The following UMAD1 variants were observed in gnomAD, a reference collection of about 807,000 sequenced individuals.
UMAD1 encodes UBAP1-MVB12-associated (UMA)-domain containing protein 1.
UMAD1 carries 8 observed loss-of-function variants against 6.1 expected under a neutral mutation model. The ratio of observed to expected loss-of-function variants is 1.30; its 90% CI spans 0.76 to 2.35. The LOEUF is 2.35. Among genes scored for constraint, UMAD1 ranks in the 30% most tolerant of loss-of-function variants. The pLI is 0.00. For synonymous variants in UMAD1, 56 were observed against 31.4 expected, an observed-to-expected ratio of 1.78 and a Z score of -2.61; for missense variants, 130 against 78.4, an observed-to-expected ratio of 1.66 and a Z score of -2.49.
chr7:7,654,945 G>A (rs1006415767), intron 1 of UMAD1, among the ~76,000 whole-genome samples: 25 of 151,660 alleles, frequency 1.6e-4, no homozygotes, highest in African/African-American at 6.0e-4. Context: ...TTGTTGTACT[G>A]TTTTTTATTT....
chr7:7,829,271 G>C (rs1783413962), intron 3 of UMAD1, among the ~76,000 whole-genome samples: 1 of 151,910 alleles, frequency 6.6e-6, no homozygotes, highest in African/African-American at 2.4e-5. Flanking sequence ...GCAATCACTT[G>C]CATACCTGCA....
rs952119480 is a variant in UMAD1, at chr7:7,758,386, G to T, written c.83-43284G>T. 3.9e-5 allele frequency among the ~76,000 whole-genome samples: 6 copies of T among 152,076 alleles called. No homozygotes were observed. In the East Asian group the frequency reaches 9.6e-4, roughly 24 times the overall value. ...TTTATAGCGAAGATCTTAAGAAAGTGTAAAAGCTGTTTTTACCCATCTTTT... is the reference window on the plus strand; with the variant it reads ...TTTATAGCGAAGATCTTAAGAAAGTTTAAAAGCTGTTTTTACCCATCTTTT... On this transcript the variant is annotated intron_variant, in intron 2 of 3. Coordinates refer to ENST00000682710, the MANE Select transcript of UMAD1 (RefSeq NM_001302348.2).
intron 1 of UMAD1, among the ~76,000 whole-genome samples, chr7:7,655,605 G>T (rs969243831): frequency 6.6e-6 from 1 of 152,006 alleles, no homozygotes; most frequent in Non-Finnish European, 1.5e-5. Context: ...TTCTCAGTTG[G>T]CTGAAAGCAT....
intron 2 of UMAD1, among the ~76,000 whole-genome samples, chr7:7,700,060 G>A (rs1202596191): frequency 2.0e-5 from 3 of 152,328 alleles, no homozygotes; most frequent in East Asian, 3.9e-4. Context: ...TGTGGAGGGT[G>A]TCTTAGTCAG....
At chr7:7,841,328 T>A (rs1412684800) in intron 3 of UMAD1, among the ~76,000 whole-genome samples, 1 of 151,890 alleles carries the variant, frequency 6.6e-6, no homozygotes, top group Non-Finnish European at 1.5e-5. Context: ...TTTTTTTTTT[T>A]TTTTGAGGCC....
At chr7:7,862,810 C>G (rs1275214737) in intron 3 of UMAD1, among the ~76,000 whole-genome samples, 1 of 151,924 alleles carries the variant, frequency 6.6e-6, no homozygotes. Flanking sequence ...AAACTTGAGA[C>G]CTAAAAACAA....
chr7:7,875,880 C>T (rs954519460), intron 3 of UMAD1, among the ~76,000 whole-genome samples: 1 of 152,100 alleles, frequency 6.6e-6, no homozygotes, highest in East Asian at 1.9e-4. Flanking sequence ...AGTTCAAAAC[C>T]AGCTTGGGCA....
chr7:7,767,022 G>C (rs1333919402), intron 2 of UMAD1, among the ~76,000 whole-genome samples: 9 of 151,734 alleles, frequency 5.9e-5, no homozygotes, highest in Non-Finnish European at 1.3e-4. Flanking sequence ...TTCAAGTTCT[G>C]TCTTTTAAGG....
chr7:7,713,067 G>A (rs766850903), intron 2 of UMAD1, among the ~76,000 whole-genome samples: 7 of 152,098 alleles, frequency 4.6e-5, no homozygotes, highest in East Asian at 1.9e-4. Context: ...GGCCGCGCGC[G>A]GTGGCTCACA....
At chr7:7,659,687 C>A (rs997569531) in intron 1 of UMAD1, among the ~76,000 whole-genome samples, 11 of 152,256 alleles carry the variant, frequency 7.2e-5, no homozygotes, top group African/African-American at 2.6e-4. Flanking sequence ...GATTTCCGTT[C>A]TTTTGCATTT....
In UMAD1 at chr7:7,649,158, C is replaced by CA. The variant is rs34943326; in HGVS notation, c.-64+8358dup. Among the ~76,000 whole-genome samples, 1,172 of 128,776 alleles carry CA rather than the reference C, an allele frequency of 9.1e-3. 23 individuals are homozygous for CA. The highest frequency in any genetic ancestry group is 0.028 in the African/African-American group (955 of 34,338). The allele number at this position is 128,776 out of a possible 152,430, so 84.5% of individuals were successfully genotyped here. ...GTGCGACAAGAGCGAGACTCCATCTCAAAAAAAAAAAAAAAAAAAAAGAAA... is the reference window on the plus strand; with the variant it reads ...GTGCGACAAGAGCGAGACTCCATCTCAAAAAAAAAAAAAAAAAAAAAAGAAA... On this transcript the variant is annotated intron_variant, in intron 1 of 3. Coordinates refer to ENST00000682710, the MANE Select transcript of UMAD1 (RefSeq NM_001302348.2).
chr7:7,827,417 T>G (rs1783370228), intron 3 of UMAD1, among the ~76,000 whole-genome samples: 1 of 152,006 alleles, frequency 6.6e-6, no homozygotes, highest in Admixed American at 6.6e-5. Flanking sequence ...CACCTATTAT[T>G]TTAGGATATT....
At chr7:7,821,177 C>T in intron 3 of UMAD1, among the ~76,000 whole-genome samples, 1 of 152,024 alleles carries the variant, frequency 6.6e-6, no homozygotes, top group East Asian at 1.9e-4. Context: ...AAGCTTTCCC[C>T]CCACCCCCAA....
chr7:7,767,228 C>T (rs6945338), intron 2 of UMAD1, among the ~76,000 whole-genome samples: 7,986 of 151,518 alleles, frequency 0.053, 451 homozygotes, highest in African/African-American at 0.13. Flanking sequence ...GGGTTCACGC[C>T]ATTCTCCTGC....
intron 2 of UMAD1, among the ~76,000 whole-genome samples, chr7:7,707,623 C>A (rs7805143): frequency 0.36 from 54,478 of 151,940 alleles, 10,208 homozygotes; most frequent in Middle Eastern, 0.48. Flanking sequence ...TAATAAAAGA[C>A]TAAATGATAT....
chr7:7,712,663 A>C (rs1268993696), intron 2 of UMAD1, among the ~76,000 whole-genome samples: 1 of 152,102 alleles, frequency 6.6e-6, no homozygotes, highest in African/African-American at 2.4e-5. Flanking sequence ...TTGTGGTTTC[A>C]TTTTATCTTT....
rs180874352 is a variant in UMAD1 at position 7,802,678 on chromosome 7, C to T, written c.156+935C>T. On this transcript the variant is annotated intron_variant, in intron 3 of 3. Transcript: ENST00000682710. ...AAACTTTCTACGTAGTGACACACCT[C>T]TACCTGTATTCTAGTTGTAGCATAT... Among the ~76,000 whole-genome samples the T allele has an allele frequency of 5.3e-5, 8 of 152,298 alleles. No homozygotes were observed. In the East Asian group the frequency reaches 1.4e-3, roughly 26 times the overall value.
chr7:7,695,385 G>C (rs1014480663), intron 2 of UMAD1, among the ~76,000 whole-genome samples: 147 of 152,328 alleles, frequency 9.7e-4, no homozygotes, highest in Non-Finnish European at 1.1e-3. Context: ...AGGCTGTAGA[G>C]AGAGAAAAAT....
At chr7:7,784,638 C>T (rs1459559580) in intron 2 of UMAD1, among the ~76,000 whole-genome samples, 1 of 152,030 alleles carries the variant, frequency 6.6e-6, no homozygotes, top group Admixed American at 6.5e-5. Context: ...AGCCACCGTG[C>T]CCGGCCTACT....
Sources: allele counts gnomAD v4.1 joint callset (sites outside exome capture counted in the v4.1 genomes callset), GRCh38; gene constraint gnomAD v4.1.1; transcripts MANE v1.5; gene names NCBI Gene and HGNC (gene_info 2026-07-23, HGNC 2026-07-21).